The following KCNMA1 variants were observed in gnomAD, a reference collection of about 807,000 sequenced individuals.
The protein encoded by KCNMA1 is potassium calcium-activated channel subfamily M alpha 1.
A neutral mutation model predicts 140.0 loss-of-function variants in KCNMA1; 29 were observed. The observed-to-expected ratio is 0.21, with a 90% CI of 0.15 to 0.28. KCNMA1 has a LOEUF of 0.28. KCNMA1 is among the 10% of genes least tolerant of loss of function. KCNMA1 has a pLI of 1.00. For synonymous variants in KCNMA1, 612 were observed against 611.9 expected, an observed-to-expected ratio of 1.00 and a Z score of 0.00; for missense variants, 880 against 1,602.2, an observed-to-expected ratio of 0.55 and a Z score of 7.70.
At chr10:77,434,684 G>A (rs1475896229) in intron 1 of KCNMA1, among the ~76,000 whole-genome samples, 1 of 152,164 alleles carries the variant, frequency 6.6e-6, no homozygotes, top group Admixed American at 6.5e-5. Context: ...CCGGTGTCGA[G>A]CACTGGAAAT....
intron 5 of KCNMA1, among the ~76,000 whole-genome samples, chr10:77,154,212 C>T (rs569159403): frequency 7.9e-5 from 12 of 152,182 alleles, no homozygotes; most frequent in Admixed American, 3.9e-4. Flanking sequence ...TGCCTTCCAC[C>T]GTGATTGTAA....
intron 1 of KCNMA1, among the ~76,000 whole-genome samples, chr10:77,539,027 G>A (rs184484767): frequency 6.6e-6 from 1 of 152,250 alleles, no homozygotes; most frequent in Non-Finnish European, 1.5e-5. Context: ...CTACCCAAGA[G>A]GCTGAACACA....
chr10:77,441,436 G>A (rs1165068534), intron 1 of KCNMA1, among the ~76,000 whole-genome samples: 1 of 152,126 alleles, frequency 6.6e-6, no homozygotes, highest in Non-Finnish European at 1.5e-5. Context: ...CTCAGAGACT[G>A]ACCAAAGAAG....
At chr10:77,194,021 C>T (rs1242473708) in intron 3 of KCNMA1, among the ~76,000 whole-genome samples, 1 of 152,086 alleles carries the variant, frequency 6.6e-6, no homozygotes, top group Admixed American at 6.6e-5. Context: ...AAACAATAAT[C>T]TATAACCAGG....
intron 1 of KCNMA1, among the ~76,000 whole-genome samples, chr10:77,431,397 C>T (rs2097148695): frequency 6.6e-6 from 1 of 152,136 alleles, no homozygotes; most frequent in South Asian, 2.1e-4. Context: ...TTCCAGGAAT[C>T]CTCTTTCAGC....
chr10:77,429,291 A>G (rs1179642078), intron 1 of KCNMA1, among the ~76,000 whole-genome samples: 1 of 152,178 alleles, frequency 6.6e-6, no homozygotes, highest in African/African-American at 2.4e-5. Flanking sequence ...CACAATTGTC[A>G]CTTTGGCTAG....
At chr10:77,023,648 G>C (rs2093107302) in intron 16 of KCNMA1, among the ~76,000 whole-genome samples, 1 of 152,116 alleles carries the variant, frequency 6.6e-6, no homozygotes, top group Non-Finnish European at 1.5e-5. Context: ...ACCAATCCGT[G>C]TCCCCTCTCA....
intron 1 of KCNMA1, among the ~76,000 whole-genome samples, chr10:77,585,853 T>A (rs1416515310): frequency 6.6e-6 from 1 of 152,164 alleles, no homozygotes; most frequent in Non-Finnish European, 1.5e-5. Context: ...GCATTGTTAT[T>A]TGGGGCCAAG....
intron 16 of KCNMA1, among the ~76,000 whole-genome samples, chr10:77,024,039 C>T (rs1462597569): frequency 2.0e-5 from 3 of 152,002 alleles, no homozygotes; most frequent in Admixed American, 6.6e-5. Context: ...TTCGTACATA[C>T]AAAAAAATAT....
chr10:77,401,276 C>A (rs934254808), intron 2 of KCNMA1, among the ~76,000 whole-genome samples: 5 of 152,096 alleles, frequency 3.3e-5, no homozygotes, highest in Non-Finnish European at 5.9e-5. Flanking sequence ...CCTGCCTCAG[C>A]CTCTCGAGTA....
chr10:77,439,446 TG>T (rs1261703856), intron 1 of KCNMA1, among the ~76,000 whole-genome samples: 1 of 151,372 alleles, frequency 6.6e-6, no homozygotes, highest in Non-Finnish European at 1.5e-5. Flanking sequence ...AGTATGGGGG[TG>T]GGAAGGGGGC....
chr10:77,022,042 G>A (rs2092923339), intron 16 of KCNMA1, among the ~76,000 whole-genome samples: 1 of 152,272 alleles, frequency 6.6e-6, no homozygotes, highest in Middle Eastern at 3.4e-3. Context: ...CAAGGATTCT[G>A]GATAGTGATA....
chr10:77,379,743 G>T (rs2095314024), intron 2 of KCNMA1, among the ~76,000 whole-genome samples: 1 of 151,994 alleles, frequency 6.6e-6, no homozygotes, highest in African/African-American at 2.4e-5. Context: ...TTTCCTTAAT[G>T]ACATAAAATC....
At chr10:76,883,171 TG>T (rs2035348281), downstream of KCNMA1, among the ~76,000 whole-genome samples, 1 of 152,176 alleles carries the variant, frequency 6.6e-6, no homozygotes, top group African/African-American at 2.4e-5. Flanking sequence ...TCAGAAGCCA[TG>T]TGACCAGCTT....
intron 9 of KCNMA1, among the ~76,000 whole-genome samples, chr10:77,103,185 G>A (rs1355677499): frequency 6.6e-6 from 1 of 152,194 alleles, no homozygotes; most frequent in Non-Finnish European, 1.5e-5. Flanking sequence ...AGATAATTAA[G>A]TACTCTAGTT....
intron 3 of KCNMA1, among the ~76,000 whole-genome samples, chr10:77,232,886 ATT>A (rs33988327): frequency 0.39 from 51,967 of 132,666 alleles, 9,066 homozygotes; most frequent in East Asian, 0.67. Context: ...TCCCAGCACC[ATT>A]TTTTTTTTTT....
chr10:77,387,585 CTCTTTTCTTTTCTTTTCTTTTCTT>C (rs1301610540), intron 2 of KCNMA1, among the ~76,000 whole-genome samples: 1 of 143,298 alleles, frequency 7.0e-6, no homozygotes, highest in Non-Finnish European at 1.5e-5. Flanking sequence ...TTTTTCTTTT[CTCTTTTCTTTTCTTTTCTTTTCTT>C]TCTTTTCTTT....
At chr10:77,546,391 G>A (rs2061466172) in intron 1 of KCNMA1, among the ~76,000 whole-genome samples, 2 of 151,458 alleles carry the variant, frequency 1.3e-5, no homozygotes, top group Admixed American at 6.6e-5. Flanking sequence ...ACCCCCACAG[G>A]GAAAAAGGGA....
At chr10:77,507,415 G>T (rs2046552559) in intron 1 of KCNMA1, among the ~76,000 whole-genome samples, 1 of 152,210 alleles carries the variant, frequency 6.6e-6, no homozygotes. Context: ...CAGCTCAGCA[G>T]ACTACCCCCA....
Sources: gnomAD v4.1 joint callset for allele counts (sites outside exome capture counted in the v4.1 genomes callset) on GRCh38, gnomAD v4.1.1 for gene constraint, MANE v1.5 for transcripts, NCBI Gene and HGNC (gene_info 2026-07-23, HGNC 2026-07-21) for gene names.